Variants in TBC1D19 observed in about 807,000 individuals in gnomAD.
TBC1D19 encodes TBC1 domain family member 19, also known as TBC1 domain family, member 19.
TBC1D19 carries 60 observed loss-of-function variants against 89.0 expected under a neutral mutation model. That is an observed-to-expected ratio of 0.67 (90% CI 0.55 to 0.84). TBC1D19 has a LOEUF of 0.84. Ranked by LOEUF, TBC1D19 falls within the 40% of genes least tolerant of loss-of-function variation. TBC1D19 has a pLI of 0.00. For synonymous variants in TBC1D19, 189 were observed against 199.7 expected (o/e 0.95, Z 0.45); for missense variants, 500 against 610.8 (o/e 0.82, Z 1.91).
chr4:26,613,493 C>G (rs940703443), intron 2 of TBC1D19, among the ~76,000 whole-genome samples: 1 of 152,136 alleles, frequency 6.6e-6, no homozygotes, highest in Non-Finnish European at 1.5e-5. Context: ...ACTGTATTCT[C>G]TCTCTTGGAT....
chr4:26,682,680 C>T (rs766557785), intron 11 of TBC1D19, among the ~76,000 whole-genome samples: 4 of 152,128 alleles, frequency 2.6e-5, no homozygotes, highest in South Asian at 2.1e-4. Context: ...GCTAAAGCAA[C>T]GAGACACTAT....
chr4:26,696,796 T>C (rs1368835629), intron 13 of TBC1D19, among the ~76,000 whole-genome samples: 3 of 152,194 alleles, frequency 2.0e-5, no homozygotes, highest in Non-Finnish European at 2.9e-5. Context: ...AATAAAGATG[T>C]TCTTTGAAAC....
intron 4 of TBC1D19, among the ~76,000 whole-genome samples, chr4:26,636,648 A>G (rs916049981): frequency 1.3e-5 from 2 of 152,048 alleles, no homozygotes; most frequent in Admixed American, 6.5e-5. Context: ...AAATTTGAGT[A>G]TATATGGACT....
intron 17 of TBC1D19, 63 bp downstream of exon 17, chr4:26,740,036 T>A: frequency 9.2e-7 from 1 of 1,092,202 alleles, no homozygotes; most frequent in Non-Finnish European, 1.3e-6. Context: ...TTCTTTCTGT[T>A]AAGAAAAAGT....
chr4:26,857,656 C>CT, the TBC1D19 span: 1 of 152,134 alleles, frequency 6.6e-6, no homozygotes, highest in African/African-American at 2.4e-5. Context: ...ACTCGCGCAC[C>CT]TGGGGGAAGC....
chr4:26,759,938 G>A (rs1361803486), downstream of TBC1D19, among the ~76,000 whole-genome samples: 1 of 152,180 alleles, frequency 6.6e-6, no homozygotes, highest in Non-Finnish European at 1.5e-5. Flanking sequence ...AAGCCTTCAT[G>A]TGGACATATA....
chr4:26,613,073 A>T, intron 1 of TBC1D19, 96 bp from the exon 2 acceptor site: 2 of 914,884 alleles, frequency 2.2e-6, no homozygotes. Context: ...ACTCCTTTTT[A>T]AACATTTCCT....
intron 3 of TBC1D19, among the ~76,000 whole-genome samples, chr4:26,618,935 A>C (rs192070310): frequency 1.8e-3 from 280 of 152,278 alleles, no homozygotes; most frequent in Non-Finnish European, 3.3e-3. Context: ...CATTTTTCCT[A>C]TCTGGCAACT....
At chr4:26,799,181 AAAAAT>A in the TBC1D19 span, among the ~76,000 whole-genome samples, 1 of 152,156 alleles carries the variant, frequency 6.6e-6, no homozygotes, top group East Asian at 1.9e-4. Flanking sequence ...CATCTCTACA[AAAAAT>A]AAAATAAAAT....
intron 18 of TBC1D19, among the ~76,000 whole-genome samples, chr4:26,746,845 T>TA (rs914166704): frequency 2.4e-4 from 35 of 147,986 alleles, no homozygotes; most frequent in East Asian, 5.9e-4. Flanking sequence ...ATTATTAAGT[T>TA]AAAAAAAAAA....
the TBC1D19 span, among the ~76,000 whole-genome samples, chr4:26,817,981 A>ATATAT: frequency 2.4e-4 from 30 of 126,044 alleles, no homozygotes; most frequent in South Asian, 1.4e-3. Context: ...AAAAAAAAAA[A>ATATAT]ATATATATAT....
chr4:26,627,022 A>C (rs1355859391), intron 4 of TBC1D19, among the ~76,000 whole-genome samples: 1 of 151,782 alleles, frequency 6.6e-6, no homozygotes, highest in Non-Finnish European at 1.5e-5. Context: ...TATATCTCCT[A>C]ATACTATCCC....
intron 10 of TBC1D19, among the ~76,000 whole-genome samples, chr4:26,673,237 A>ATAG: frequency 6.6e-6 from 1 of 151,594 alleles, no homozygotes; most frequent in Non-Finnish European, 1.5e-5. Context: ...ATTTTGGCAA[A>ATAG]TAACTAAGAA....
intron 13 of TBC1D19, among the ~76,000 whole-genome samples, chr4:26,691,771 G>T (rs1259889509): frequency 6.6e-6 from 1 of 152,068 alleles, no homozygotes; most frequent in Non-Finnish European, 1.5e-5. Flanking sequence ...AACTGAACCT[G>T]CAATATCTCC....
intron 17 of TBC1D19, among the ~76,000 whole-genome samples, chr4:26,742,015 A>C (rs1201455226): frequency 6.6e-6 from 1 of 152,218 alleles, no homozygotes; most frequent in Non-Finnish European, 1.5e-5. Flanking sequence ...GGTAGATTTC[A>C]AAGAAAGAGT....
intron 8 of TBC1D19, among the ~76,000 whole-genome samples, chr4:26,665,609 C>T (rs925328643): frequency 1.3e-5 from 2 of 151,636 alleles, no homozygotes; most frequent in Non-Finnish European, 2.9e-5. Flanking sequence ...TCCAATTGTA[C>T]TTAAAAATTA....
chr4:26,666,711 T>C (rs1018347044), intron 9 of TBC1D19, among the ~76,000 whole-genome samples: 1 of 152,026 alleles, frequency 6.6e-6, no homozygotes, highest in Non-Finnish European at 1.5e-5. Flanking sequence ...TCAGCATCTG[T>C]TTTTACTTTT....
At chr4:26,624,688 A>G (rs1432185703) in intron 4 of TBC1D19, among the ~76,000 whole-genome samples, 1 of 152,176 alleles carries the variant, frequency 6.6e-6, no homozygotes, top group East Asian at 1.9e-4. Context: ...TATTTTCCCA[A>G]TTATTACACT....
intron 18 of TBC1D19, among the ~76,000 whole-genome samples, chr4:26,744,435 G>T (rs1718533124): frequency 1.3e-5 from 2 of 150,326 alleles, no homozygotes; most frequent in African/African-American, 4.9e-5. Context: ...GATTTATTTT[G>T]CTCTTGTCTT....
Sources: allele counts gnomAD v4.1 joint callset (sites outside exome capture counted in the v4.1 genomes callset), GRCh38; gene constraint gnomAD v4.1.1; transcripts MANE v1.5; gene names NCBI Gene and HGNC (gene_info 2026-07-23, HGNC 2026-07-21).